FAM107B: variants seen among roughly 807,000 people sequenced by gnomAD.
FAM107B encodes the protein family with sequence similarity 107 member B.
In FAM107B, 21 loss-of-function variants were observed where a neutral mutation model predicts 31.5. That is an observed-to-expected ratio of 0.67 (90% confidence interval 0.47 to 0.96). The LOEUF (loss-of-function observed/expected upper bound fraction) is 0.96, where lower values mean the gene tolerates loss of function less well. Ranked by LOEUF, FAM107B falls within the 40% of genes least tolerant of loss-of-function variation. The pLI is 0.00. For synonymous variants in FAM107B, 157 were observed against 141.5 expected (o/e 1.11, Z -0.78); for missense variants, 452 against 377.1 (o/e 1.20, Z -1.64).
chr10:14,651,301 G>A (rs963323045), intron 2 of FAM107B, among the ~76,000 whole-genome samples: 11 of 152,140 alleles, frequency 7.2e-5, no homozygotes, highest in African/African-American at 2.7e-4. Flanking sequence ...TCTGCCATGT[G>A]TGGATAAGAT....
Position 14,752,134 on chromosome 10 carries a change from A to T in FAM107B, c.411+22119T>A, listed in dbSNP as rs557503063. On this transcript the variant is annotated intron_variant, in intron 1 of 4. Transcript: ENST00000181796. Reference sequence around the variant, plus strand: ...AATATCCCATCTGCTGAGGCAGCAGACTCCCGCAGGGAGCCTAAGCCATGG... The same window carrying T: ...AATATCCCATCTGCTGAGGCAGCAGTCTCCCGCAGGGAGCCTAAGCCATGG... Among the ~76,000 whole-genome samples the T allele has an allele frequency of 2.8e-4, 43 of 151,814 alleles. No homozygotes were observed. The South Asian group carries it at 2.9e-3, about 10-fold the overall frequency.
At chr10:14,582,501 C>T (rs1015333055) in intron 2 of FAM107B, among the ~76,000 whole-genome samples, 6 of 151,472 alleles carry the variant, frequency 4.0e-5, no homozygotes, top group Non-Finnish European at 7.4e-5. Flanking sequence ...CTCAGCCTCC[C>T]GAGTAGCTGG....
intron 1 of FAM107B, among the ~76,000 whole-genome samples, chr10:14,725,957 C>T (rs1412974043): frequency 2.0e-5 from 3 of 151,350 alleles, no homozygotes; most frequent in Non-Finnish European, 4.4e-5. Context: ...TCCCAAGTAG[C>T]TGGGATTACA....
chr10:14,542,207 C>A (rs959415712), intron 2 of FAM107B, among the ~76,000 whole-genome samples: 4 of 149,932 alleles, frequency 2.7e-5, no homozygotes, highest in Admixed American at 6.7e-5. Context: ...GAGGCAGAGG[C>A]TGCAGTGAGC....
At chr10:14,762,286 A>G (rs758943944) in intron 1 of FAM107B, among the ~76,000 whole-genome samples, 1 of 152,196 alleles carries the variant, frequency 6.6e-6, no homozygotes, top group Non-Finnish European at 1.5e-5. Flanking sequence ...AAGCAAAGTC[A>G]GTTTTGCCAA....
At chr10:14,645,605 A>G (rs1853732922) in intron 2 of FAM107B, among the ~76,000 whole-genome samples, 1 of 152,214 alleles carries the variant, frequency 6.6e-6, no homozygotes, top group Admixed American at 6.5e-5. Context: ...GCTGTTAAAG[A>G]GAGAACCTCT....
chr10:14,674,048 T>A, intron 1 of FAM107B, among the ~76,000 whole-genome samples: 1 of 152,220 alleles, frequency 6.6e-6, no homozygotes, highest in South Asian at 2.1e-4. Flanking sequence ...GGCATCCACA[T>A]GCAGAAGAAT....
intron 1 of FAM107B, among the ~76,000 whole-genome samples, chr10:14,738,105 G>A (rs938946131): frequency 2.8e-4 from 42 of 152,248 alleles, no homozygotes; most frequent in African/African-American, 9.6e-4. Context: ...ACAGCAGCCA[G>A]GGAGGAAGAT....
chr10:14,598,753 G>C (rs901464908), intron 2 of FAM107B, among the ~76,000 whole-genome samples: 4 of 152,180 alleles, frequency 2.6e-5, no homozygotes, highest in Non-Finnish European at 5.9e-5. Flanking sequence ...AAAGGCTGTG[G>C]GCACTGGCAT....
intron 2 of FAM107B, among the ~76,000 whole-genome samples, chr10:14,539,223 A>G (rs1847934549): frequency 6.6e-6 from 1 of 152,216 alleles, no homozygotes; most frequent in African/African-American, 2.4e-5. Context: ...GGAAGGGAGA[A>G]AGTGCTGTGG....
At chr10:14,587,052 T>C (rs1328359235) in intron 2 of FAM107B, among the ~76,000 whole-genome samples, 1 of 152,066 alleles carries the variant, frequency 6.6e-6, no homozygotes, top group African/African-American at 2.4e-5. Flanking sequence ...CAACACCACC[T>C]TGGGGGAGCA....
chr10:14,744,952 G>A (rs1351135695), intron 1 of FAM107B, among the ~76,000 whole-genome samples: 1 of 152,074 alleles, frequency 6.6e-6, no homozygotes, highest in Admixed American at 6.6e-5. Context: ...TTTTTGGTTG[G>A]TAGGCTATTT....
intron 1 of FAM107B, among the ~76,000 whole-genome samples, chr10:14,725,661 TC>T (rs1856015787): frequency 6.6e-6 from 1 of 152,036 alleles, no homozygotes; most frequent in Non-Finnish European, 1.5e-5. Context: ...TAGTAACTCT[TC>T]TTGTAAGTGT....
chr10:14,748,804 T>C (rs1236984660), intron 1 of FAM107B, among the ~76,000 whole-genome samples: 1 of 152,212 alleles, frequency 6.6e-6, no homozygotes, highest in Non-Finnish European at 1.5e-5. Flanking sequence ...CTACAAACCC[T>C]GACTAATACC....
intron 2 of FAM107B, among the ~76,000 whole-genome samples, chr10:14,582,832 T>G (rs1402399999): frequency 1.3e-5 from 2 of 152,028 alleles, no homozygotes; most frequent in South Asian, 4.1e-4. Flanking sequence ...ACGCCTATAA[T>G]CCCAGCACTT....
At chr10:14,553,393 A>G (rs11259179) in intron 2 of FAM107B, 181,842 of 1,264,668 alleles carry the variant, frequency 0.14, 13,802 homozygotes, top group Non-Finnish European at 0.16. Context: ...TTCTCCTTTA[A>G]AAAAAAAACA....
At chr10:14,587,349 T>C (rs1346436387) in intron 2 of FAM107B, among the ~76,000 whole-genome samples, 2 of 152,232 alleles carry the variant, frequency 1.3e-5, no homozygotes, top group African/African-American at 4.8e-5. Flanking sequence ...CACAGAAATA[T>C]ATTCTCATAT....
chr10:14,753,664 G>A (rs1325546100), intron 1 of FAM107B, among the ~76,000 whole-genome samples: 1 of 152,006 alleles, frequency 6.6e-6, no homozygotes, highest in African/African-American at 2.4e-5. Context: ...AAAAGTTAAG[G>A]GTAAATGTTT....
chr10:14,756,451 T>C (rs977788871), intron 1 of FAM107B, among the ~76,000 whole-genome samples: 1 of 152,174 alleles, frequency 6.6e-6, no homozygotes, highest in African/African-American at 2.4e-5. Flanking sequence ...CATCCAATCA[T>C]TCAATGGCTT....
Sources: allele counts gnomAD v4.1 joint callset (sites outside exome capture counted in the v4.1 genomes callset), GRCh38; gene constraint gnomAD v4.1.1; transcripts MANE v1.5; gene names NCBI Gene and HGNC (gene_info 2026-07-23, HGNC 2026-07-21).